Variants in ARHGAP15 observed in about 807,000 individuals in gnomAD.
ARHGAP15 encodes the protein Rho GTPase activating protein 15, also known as rho GTPase-activating protein 15.
A neutral mutation model predicts 63.7 loss-of-function variants in ARHGAP15; 51 were observed. The observed-to-expected ratio is 0.80, with a 90% confidence interval of 0.64 to 1.01. ARHGAP15 has a LOEUF of 1.01. Ranked by LOEUF, ARHGAP15 falls within the 50% of genes least tolerant of loss-of-function variation. The pLI, the probability that ARHGAP15 is intolerant of heterozygous loss-of-function variation, is 0.00. For missense variants in ARHGAP15, 560 were observed against 564.6 expected (o/e 0.99, Z 0.08); for synonymous variants, 191 against 193.8 (o/e 0.99, Z 0.12).
At chr2:143,560,607 C>T (rs1574634900) in intron 11 of ARHGAP15, among the ~76,000 whole-genome samples, 1 of 152,192 alleles carries the variant, frequency 6.6e-6, no homozygotes, top group African/African-American at 2.4e-5. Flanking sequence ...TCATGCTACA[C>T]ACGCTCATTC....
intron 13 of ARHGAP15, among the ~76,000 whole-genome samples, chr2:143,751,540 A>G (rs1686374403): frequency 6.6e-6 from 1 of 152,122 alleles, no homozygotes; most frequent in Admixed American, 6.5e-5. Context: ...TTGAAGGGGA[A>G]TCTTTAGAAG....
chr2:143,358,443 A>G (rs912430874), intron 6 of ARHGAP15, among the ~76,000 whole-genome samples: 1 of 152,062 alleles, frequency 6.6e-6, no homozygotes, highest in Non-Finnish European at 1.5e-5. Flanking sequence ...CACCAAAACC[A>G]ATCATTAAAA....
At chr2:143,233,359 T>G (rs1376573275) in intron 5 of ARHGAP15, among the ~76,000 whole-genome samples, 4 of 152,062 alleles carry the variant, frequency 2.6e-5, no homozygotes, top group Non-Finnish European at 5.9e-5. Flanking sequence ...GAAATATATA[T>G]TCTCTTTGAA....
intron 12 of ARHGAP15, among the ~76,000 whole-genome samples, chr2:143,698,004 C>T (rs554237942): frequency 2.8e-4 from 43 of 152,234 alleles, no homozygotes; most frequent in African/African-American, 9.9e-4. Flanking sequence ...GAATAACTTT[C>T]AGAAGCAGAA....
At chr2:143,641,316 T>C (rs1680589884) in intron 12 of ARHGAP15, 1 of 151,684 alleles carries the variant, frequency 6.6e-6, no homozygotes, top group Non-Finnish European at 1.5e-5. Flanking sequence ...TCATATAGAG[T>C]ATTTCAACTG....
At chr2:143,562,366 G>C (rs565165038) in intron 11 of ARHGAP15, among the ~76,000 whole-genome samples, 1 of 152,230 alleles carries the variant, frequency 6.6e-6, no homozygotes, top group Non-Finnish European at 1.5e-5. Flanking sequence ...TCAAATTTCT[G>C]TTCTTATAAA....
At chr2:143,528,329 T>C (rs186790707) in intron 10 of ARHGAP15, among the ~76,000 whole-genome samples, 1 of 152,202 alleles carries the variant, frequency 6.6e-6, no homozygotes, top group Non-Finnish European at 1.5e-5. Flanking sequence ...AATGCCATGT[T>C]AGTGCTGTTT....
At chr2:143,660,809 A>C (rs1414429092) in intron 12 of ARHGAP15, among the ~76,000 whole-genome samples, 1 of 152,262 alleles carries the variant, frequency 6.6e-6, no homozygotes, top group Non-Finnish European at 1.5e-5. Context: ...GATGGCCAGC[A>C]AATAACACAA....
intron 6 of ARHGAP15, among the ~76,000 whole-genome samples, chr2:143,368,951 A>G: frequency 1.3e-5 from 2 of 152,260 alleles, no homozygotes; most frequent in Middle Eastern, 3.4e-3. Context: ...AATTAAATGT[A>G]TAGTCAACAG....
chr2:143,739,110 G>A (rs1345177597), intron 13 of ARHGAP15, among the ~76,000 whole-genome samples: 2 of 152,226 alleles, frequency 1.3e-5, no homozygotes, highest in African/African-American at 2.4e-5. Flanking sequence ...CCAGTGATGA[G>A]GCTAAGAGAG....
rs527957844 is a variant in ARHGAP15 at position 143,750,500 on chromosome 2, A to C, written c.1245-17489A>C. 2.0e-5 allele frequency among the ~76,000 whole-genome samples: 3 copies of C among 152,334 alleles called. No homozygotes were observed. The East Asian group carries it at 5.8e-4, about 29-fold the overall frequency. On this transcript the variant is annotated intron_variant, in intron 13 of 13. Coordinates refer to ENST00000295095, the MANE Select transcript of ARHGAP15 (RefSeq NM_018460.4). Reference sequence around the variant, plus strand: ...GGTTTTCACATACATTTTTAAATTTAATCTTCAAAACAACCTATGAGATCA... The same window carrying C: ...GGTTTTCACATACATTTTTAAATTTCATCTTCAAAACAACCTATGAGATCA...
At chr2:143,664,112 T>C (rs2105331276) in intron 12 of ARHGAP15, among the ~76,000 whole-genome samples, 1 of 152,120 alleles carries the variant, frequency 6.6e-6, no homozygotes, top group Non-Finnish European at 1.5e-5. Flanking sequence ...AATATACATT[T>C]TTTTCAGCAC....
intron 8 of ARHGAP15, among the ~76,000 whole-genome samples, chr2:143,447,824 C>T (rs1690215035): frequency 6.6e-6 from 1 of 152,102 alleles, no homozygotes; most frequent in African/African-American, 2.4e-5. Context: ...CCTGAAGAAA[C>T]CCTTACAGAT....
chr2:143,476,775 A>G (rs1180673829), intron 8 of ARHGAP15, among the ~76,000 whole-genome samples: 1 of 152,162 alleles, frequency 6.6e-6, no homozygotes, highest in African/African-American at 2.4e-5. Flanking sequence ...TTACAGTACA[A>G]GAGTATTTGG....
intron 10 of ARHGAP15, chr2:143,533,328 C>T (rs528253495): frequency 2.6e-5 from 4 of 152,180 alleles, no homozygotes; most frequent in Admixed American, 1.3e-4. Flanking sequence ...CATTTAATTT[C>T]TCACGGGGCA....
At chr2:143,681,740 T>G (rs993122600) in intron 12 of ARHGAP15, among the ~76,000 whole-genome samples, 2 of 152,176 alleles carry the variant, frequency 1.3e-5, no homozygotes, top group African/African-American at 4.8e-5. Flanking sequence ...CCTGCAAGAA[T>G]TTTTCACTCT....
intron 12 of ARHGAP15, among the ~76,000 whole-genome samples, chr2:143,642,749 G>T (rs1009844248): frequency 6.6e-6 from 1 of 152,116 alleles, no homozygotes; most frequent in African/African-American, 2.4e-5. Context: ...CAGTGTTTGG[G>T]AGGCCTTCAT....
chr2:143,637,862 A>G (rs1307249790), intron 12 of ARHGAP15, among the ~76,000 whole-genome samples: 1 of 152,190 alleles, frequency 6.6e-6, no homozygotes, highest in Non-Finnish European at 1.5e-5. Flanking sequence ...ACACTTCTCA[A>G]AAGAAGACAT....
intron 6 of ARHGAP15, among the ~76,000 whole-genome samples, chr2:143,314,764 C>T (rs751555232): frequency 2.8e-5 from 4 of 141,222 alleles, no homozygotes; most frequent in Non-Finnish European, 4.4e-5. Flanking sequence ...GGATAATGAC[C>T]TTGCAAAAGT....
Sources: allele counts gnomAD v4.1 joint callset (sites outside exome capture counted in the v4.1 genomes callset), GRCh38; gene constraint gnomAD v4.1.1; transcripts MANE v1.5; gene names NCBI Gene and HGNC (gene_info 2026-07-23, HGNC 2026-07-21).